Variants in RGS7BP observed in about 807,000 individuals in gnomAD.
The protein encoded by RGS7BP is regulator of G protein signaling 7-binding protein.
Under a neutral mutation model 31.3 loss-of-function variants are expected in RGS7BP, and 9 were observed. The observed-to-expected ratio is 0.29, with a 90% confidence interval of 0.17 to 0.50. RGS7BP has a LOEUF of 0.50. Ranked by LOEUF, RGS7BP falls within the 20% of genes least tolerant of loss-of-function variation. The pLI is 0.98. For synonymous variants in RGS7BP, 115 were observed against 120.1 expected (o/e 0.96, Z 0.28); for missense variants, 274 against 322.0 (o/e 0.85, Z 1.14).
At chr5:64,512,883 T>C (rs1748876178) in intron 2 of RGS7BP, among the ~76,000 whole-genome samples, 2 of 152,166 alleles carry the variant, frequency 1.3e-5, no homozygotes. Flanking sequence ...TTTACATAAA[T>C]CAGCCTAGAT....
intron 3 of RGS7BP, among the ~76,000 whole-genome samples, chr5:64,577,140 T>C (rs1331460154): frequency 6.6e-6 from 1 of 152,116 alleles, no homozygotes; most frequent in Non-Finnish European, 1.5e-5. Context: ...ATGAAGTACT[T>C]GTAAAAACCA....
Position 64,575,128 on chromosome 5 carries a change from A to G in RGS7BP, c.333-646A>G, listed in dbSNP as rs140763894. The stretch of plus-strand genomic sequence containing the variant: ...AATAGAGAAATACACAGGACTTTAG[A>G]ATAAATTTTAGAGCATAAGTTCAGT... On this transcript the variant is annotated intron_variant, in intron 2 of 5. Transcript: ENST00000334025. 7.9e-3 allele frequency among the ~76,000 whole-genome samples: 1,198 copies of G among 152,278 alleles called. 47 individuals carry two copies. The highest frequency in any genetic ancestry group is 0.06 in the Admixed American group (923 of 15,278).
chr5:64,519,769 C>T lies in RGS7BP; in HGVS notation c.332+11892C>T, dbSNP rs189901658. On this transcript the variant is annotated intron_variant, in intron 2 of 5. Coordinates refer to ENST00000334025, the MANE Select transcript of RGS7BP (RefSeq NM_001029875.3). ...AATGAATAGGATTCATCTGAAATAA[C>T]GTTTACCTACAACCTGGGAAGATAC... Among the ~76,000 whole-genome samples the T allele has an allele frequency of 5.9e-5, 9 of 152,242 alleles. No individual in the cohort carries two copies. In the East Asian group the frequency reaches 1.5e-3, roughly 26 times the overall value.
chr5:64,596,029 G>A (rs1743056002), intron 4 of RGS7BP, among the ~76,000 whole-genome samples: 1 of 152,180 alleles, frequency 6.6e-6, no homozygotes, highest in Admixed American at 6.5e-5. Context: ...AATTTATAAA[G>A]TAGAAAATTC....
Position 64,509,446 on chromosome 5 carries a change from G to T in RGS7BP, c.332+1569G>T, listed in dbSNP as rs1228552285. Among the ~76,000 whole-genome samples, 3 of 152,272 alleles carry T rather than the reference G, an allele frequency of 2.0e-5. 1 individual carries two copies. The South Asian group carries it at 6.2e-4, about 32-fold the overall frequency. On this transcript the variant is annotated intron_variant, in intron 2 of 5. Coordinates refer to ENST00000334025, the MANE Select transcript of RGS7BP (RefSeq NM_001029875.3). ...GGCTGGAGGAATGAACAAGGAGTTC[G>T]ATTCAGTCTATTTTGCGACACACAC...
intron 2 of RGS7BP, among the ~76,000 whole-genome samples, chr5:64,558,852 C>A (rs191387249): frequency 6.6e-6 from 1 of 152,162 alleles, no homozygotes; most frequent in African/African-American, 2.4e-5. Context: ...TATGCAGTTG[C>A]AGATAAGGGA....
chr5:64,546,754 T>C (rs919478215), intron 2 of RGS7BP, among the ~76,000 whole-genome samples: 2 of 152,202 alleles, frequency 1.3e-5, no homozygotes, highest in Non-Finnish European at 1.5e-5. Flanking sequence ...AGCAGTAGAA[T>C]TTATTGTCTC....
chr5:64,589,014 G>A (rs1461569586), intron 3 of RGS7BP, among the ~76,000 whole-genome samples: 1 of 152,140 alleles, frequency 6.6e-6, no homozygotes, highest in African/African-American at 2.4e-5. Flanking sequence ...ACTGAGGGAT[G>A]GGTAGGTACG....
chr5:64,603,218 T>C (rs1296248550), intron 5 of RGS7BP, among the ~76,000 whole-genome samples: 4 of 149,764 alleles, frequency 2.7e-5, no homozygotes, highest in Admixed American at 2.7e-4. Context: ...ACAGAGACAA[T>C]TGGATGTGGT....
rs571635038 is a variant in RGS7BP at position 64,569,983 on chromosome 5, TTC to T, written c.333-5789_333-5788del. 2.2e-3 allele frequency among the ~76,000 whole-genome samples: 332 copies of T among 152,166 alleles called. 2 individuals are homozygous for T. The highest frequency in any genetic ancestry group is 7.8e-3 in the African/African-American group (325 of 41,528). On this transcript the variant is annotated intron_variant, in intron 2 of 5. Coordinates refer to ENST00000334025, the MANE Select transcript of RGS7BP (RefSeq NM_001029875.3). ...TTAGATATATTTGTTGTGACAGGAGTTCTGTTTCCATTTCTGCTAGCTGACAA... is the reference window on the plus strand; with the variant it reads ...TTAGATATATTTGTTGTGACAGGAGTTGTTTCCATTTCTGCTAGCTGACAA...
At chr5:64,561,721 C>T (rs1293861754) in intron 2 of RGS7BP, among the ~76,000 whole-genome samples, 1 of 152,152 alleles carries the variant, frequency 6.6e-6, no homozygotes, top group Non-Finnish European at 1.5e-5. Flanking sequence ...GTGAAGCTCA[C>T]CAAGCTTTTT....
At chr5:64,594,900 C>A in intron 4 of RGS7BP, 43 bp downstream of exon 4, 1 of 1,596,916 alleles carries the variant, frequency 6.3e-7, no homozygotes, top group East Asian at 2.2e-5. Context: ...ATCCTCCTCC[C>A]GTTAATGTTC....
intron 2 of RGS7BP, among the ~76,000 whole-genome samples, chr5:64,515,230 C>T (rs545091913): frequency 9.2e-5 from 14 of 152,156 alleles, no homozygotes; most frequent in Non-Finnish European, 1.5e-4. Flanking sequence ...TTGAGAGATT[C>T]GATTAGTTTA....
chr5:64,528,511 C>A (rs957996807), intron 2 of RGS7BP, among the ~76,000 whole-genome samples: 2 of 151,960 alleles, frequency 1.3e-5, no homozygotes, highest in Admixed American at 6.6e-5. Flanking sequence ...GAGTTTCCAC[C>A]CCTGAAAAAG....
intron 4 of RGS7BP, among the ~76,000 whole-genome samples, chr5:64,595,974 C>A (rs1372159143): frequency 6.6e-6 from 1 of 152,040 alleles, no homozygotes; most frequent in African/African-American, 2.4e-5. Context: ...TGTTTGGCAC[C>A]GTTTGATGGC....
At chr5:64,580,882 A>T (rs1286990042) in intron 3 of RGS7BP, among the ~76,000 whole-genome samples, 1 of 152,156 alleles carries the variant, frequency 6.6e-6, no homozygotes, top group Admixed American at 6.6e-5. Context: ...CTCTTTCTGC[A>T]TAGAATCTCT....
At position 64,609,264 on chromosome 5, in the gene RGS7BP, T is replaced by A. The variant is rs1280042420; in HGVS notation, c.*12T>A. The A allele has an allele frequency of 6.7e-7, 1 of 1,488,800 alleles. No individual in the cohort carries two copies. Among genetic ancestry groups the A allele is most frequent in the Non-Finnish European group, 9.4e-7 (1 of 1,065,958 alleles). 92.2% of individuals were successfully genotyped at this position (1,488,800 alleles called of 1,614,324 possible). On this transcript the variant is annotated 3_prime_UTR_variant, in exon 6 of 6. Transcript: ENST00000334025. ...TCATCTCAAGCTAGGTGGCTCCTCCTGGAAACCCACTGAGAACATCTGAAA... is the reference window on the plus strand; with the variant it reads ...TCATCTCAAGCTAGGTGGCTCCTCCAGGAAACCCACTGAGAACATCTGAAA...
intron 2 of RGS7BP, among the ~76,000 whole-genome samples, chr5:64,571,594 T>G (rs1742302001): frequency 6.6e-6 from 1 of 152,132 alleles, no homozygotes. Flanking sequence ...ATTATGAGTC[T>G]TTTTTACAGT....
At chr5:64,551,534 C>G (rs1421787502) in intron 2 of RGS7BP, among the ~76,000 whole-genome samples, 1 of 151,674 alleles carries the variant, frequency 6.6e-6, no homozygotes, top group Non-Finnish European at 1.5e-5. Context: ...AATTGTGTGT[C>G]TTAAGGATTT....
Sources: gnomAD v4.1 joint callset for allele counts (sites outside exome capture counted in the v4.1 genomes callset) on GRCh38, gnomAD v4.1.1 for gene constraint, MANE v1.5 for transcripts, NCBI Gene and HGNC (gene_info 2026-07-23, HGNC 2026-07-21) for gene names.